GPR158: variants seen among roughly 807,000 people sequenced by gnomAD.
GPR158 encodes metabotropic glycine receptor.
A neutral mutation model predicts 78.2 loss-of-function variants in GPR158; 30 were observed. The observed-to-expected ratio is 0.38, with a 90% CI of 0.29 to 0.52. The LOEUF (loss-of-function observed/expected upper bound fraction) is 0.52, where lower values mean the gene tolerates loss of function less well. GPR158 is among the 20% of genes least tolerant of loss of function. The probability of loss-of-function intolerance (pLI) is 0.83; values close to 1 mark genes in which losing one functional copy is unlikely to be tolerated. For missense variants in GPR158, 1,463 were observed against 1,523.5 expected, an observed-to-expected ratio of 0.96 and a Z score of 0.66; for synonymous variants, 581 against 591.1, an observed-to-expected ratio of 0.98 and a Z score of 0.25.
chr10:25,530,036 C>G (rs1451789392), intron 5 of GPR158, among the ~76,000 whole-genome samples: 1 of 152,184 alleles, frequency 6.6e-6, no homozygotes, highest in African/African-American at 2.4e-5. Context: ...GACTCATCCT[C>G]TCCCCCTTTT....
intron 6 of GPR158, among the ~76,000 whole-genome samples, chr10:25,566,194 G>A (rs1836927096): frequency 6.6e-6 from 1 of 152,170 alleles, no homozygotes; most frequent in South Asian, 2.1e-4. Flanking sequence ...AAAATGGGCA[G>A]TTAACATTCC....
At chr10:25,364,591 A>G (rs1159629124) in intron 2 of GPR158, among the ~76,000 whole-genome samples, 2 of 151,822 alleles carry the variant, frequency 1.3e-5, no homozygotes, top group African/African-American at 4.8e-5. Flanking sequence ...AAAGGATATT[A>G]TTTCTGATTC....
At chr10:25,374,205 A>C (rs2130555265) in intron 2 of GPR158, among the ~76,000 whole-genome samples, 1 of 151,630 alleles carries the variant, frequency 6.6e-6, no homozygotes, top group Non-Finnish European at 1.5e-5. Context: ...CTTCTTTGTA[A>C]ATGAATATAC....
rs376881687 is a variant in GPR158 at position 25,436,483 on chromosome 10, GC to G, written c.1335+24013del. ...ATAGAAAGAAGAAAACAAGGAAAAT[GC>G]CCAGAGCTGAACTCTTTAACATTTT... On this transcript the variant is annotated intron_variant, in intron 4 of 10. Transcript: ENST00000376351. 9.8e-5 allele frequency among the ~76,000 whole-genome samples: 15 copies of G among 152,326 alleles called. No homozygotes were observed. In the East Asian group the frequency reaches 2.1e-3, roughly 22 times the overall value.
In GPR158 at chr10:25,329,543, T is replaced by C. The variant is rs1030839309; in HGVS notation, c.1009-66368T>C. Among the ~76,000 whole-genome samples the C allele has an allele frequency of 5.3e-5, 8 of 152,182 alleles. No individual in the cohort carries two copies. In the East Asian group the frequency reaches 1.5e-3, roughly 29 times the overall value. On this transcript the variant is annotated intron_variant, in intron 2 of 10. Transcript: ENST00000376351. The stretch of plus-strand genomic sequence containing the variant: ...GATTTGGATTTGTTAAGCCTGCCCT[T>C]GGATCTCACTGTGACTTTCCTGAGA...
At chr10:25,293,221 G>C (rs529883050) in intron 2 of GPR158, among the ~76,000 whole-genome samples, 3 of 152,288 alleles carry the variant, frequency 2.0e-5, no homozygotes, top group South Asian at 4.1e-4. Context: ...AATTTGCATT[G>C]TTACTTATTC....
chr10:25,339,713 G>A (rs1305270176), intron 2 of GPR158, among the ~76,000 whole-genome samples: 1 of 152,074 alleles, frequency 6.6e-6, no homozygotes, highest in Non-Finnish European at 1.5e-5. Flanking sequence ...GTCATGAAGT[G>A]GTTGAATTTT....
chr10:25,558,319 T>C (rs1000646577), intron 6 of GPR158, among the ~76,000 whole-genome samples: 1 of 152,264 alleles, frequency 6.6e-6, no homozygotes, highest in Non-Finnish European at 1.5e-5. Flanking sequence ...GATAAACACT[T>C]TATTATCCTA....
intron 5 of GPR158, among the ~76,000 whole-genome samples, chr10:25,536,678 G>C (rs1342578268): frequency 1.3e-5 from 2 of 151,960 alleles, no homozygotes; most frequent in Admixed American, 1.3e-4. Context: ...CTTTTTTTTA[G>C]TCATATTTTA....
intron 7 of GPR158, among the ~76,000 whole-genome samples, chr10:25,587,845 C>T (rs542025644): frequency 6.6e-6 from 1 of 152,156 alleles, no homozygotes; most frequent in Non-Finnish European, 1.5e-5. Context: ...TATACTGAAA[C>T]TTTGGCAAGG....
At chr10:25,206,177 C>T (rs1195696597) in intron 1 of GPR158, among the ~76,000 whole-genome samples, 1 of 151,912 alleles carries the variant, frequency 6.6e-6, no homozygotes, top group African/African-American at 2.4e-5. Flanking sequence ...TTAGTAGAAA[C>T]GGGGTTTCAC....
intron 3 of GPR158, among the ~76,000 whole-genome samples, chr10:25,409,403 A>G (rs1834557270): frequency 6.6e-6 from 1 of 152,152 alleles, no homozygotes; most frequent in East Asian, 1.9e-4. Context: ...ATCTTGTATT[A>G]TATTTCTGCC....
chr10:25,201,093 G>A (rs1446845263), intron 1 of GPR158, among the ~76,000 whole-genome samples: 3 of 151,920 alleles, frequency 2.0e-5, no homozygotes, highest in Non-Finnish European at 4.4e-5. Flanking sequence ...ATTGCTTTGG[G>A]AAGTATGACC....
rs775893038 is a variant in GPR158, at chr10:25,598,502, A to C, written c.2876A>C (p.Gln959Pro). 4.3e-6 allele frequency: 7 copies of C among 1,613,808 alleles called. No homozygotes were observed. The highest frequency in any genetic ancestry group is 8.5e-7 in the Non-Finnish European group (1 of 1,180,018). Residue 959 changes from glutamine to proline, a missense_variant, in exon 11 of 11, where the codon CAA becomes CCA. Physicochemically the swap from Gln to Pro is moderately conservative, Grantham distance 76. Coordinates refer to ENST00000376351, the MANE Select transcript of GPR158 (RefSeq NM_020752.3). ...ACAGAGACTAAAGATCCTGCCCCCC[A>C]AAACTCAAATCCTGCGGAGGAGCCA... ...DNTETKDPAP[Q>P]NSNPAEEPRK...
chr10:25,496,603 G>T (rs977123582), intron 5 of GPR158, among the ~76,000 whole-genome samples: 1 of 152,150 alleles, frequency 6.6e-6, no homozygotes, highest in Non-Finnish European at 1.5e-5. Context: ...CATTTGAGAG[G>T]AAAGAAGGAA....
chr10:25,329,389 G>C (rs1855086499), intron 2 of GPR158, among the ~76,000 whole-genome samples: 1 of 151,502 alleles, frequency 6.6e-6, no homozygotes, highest in African/African-American at 2.4e-5. Flanking sequence ...GCAGTGAGCG[G>C]AGATCGCGCC....
chr10:25,237,906 C>A (rs975548014), intron 2 of GPR158, among the ~76,000 whole-genome samples: 1 of 151,746 alleles, frequency 6.6e-6, no homozygotes, highest in Non-Finnish European at 1.5e-5. Context: ...CCTCTCTATC[C>A]CCTCCTTTTC....
At chr10:25,374,992 A>G (rs143585353) in intron 2 of GPR158, among the ~76,000 whole-genome samples, 50 of 151,820 alleles carry the variant, frequency 3.3e-4, no homozygotes, top group African/African-American at 1.1e-3. Flanking sequence ...TGGTTGTACC[A>G]TTTTACATCC....
chr10:25,394,571 A>T (rs1182306934), intron 2 of GPR158, among the ~76,000 whole-genome samples: 1 of 152,156 alleles, frequency 6.6e-6, no homozygotes. Context: ...ACTCAGTTGA[A>T]TTGACTGGTA....
Sources: allele counts gnomAD v4.1 joint callset (sites outside exome capture counted in the v4.1 genomes callset), GRCh38; gene constraint gnomAD v4.1.1; transcripts MANE v1.5; gene names NCBI Gene and HGNC (gene_info 2026-07-23, HGNC 2026-07-21).